Variants in MID1 observed in about 807,000 individuals in gnomAD.
MID1 encodes E3 ubiquitin-protein ligase Midline-1.
Under a neutral mutation model 40.4 loss-of-function variants are expected in MID1, and 7 were observed. The observed-to-expected ratio is 0.17, with a 90% CI of 0.10 to 0.33. The LOEUF (loss-of-function observed/expected upper bound fraction) is 0.33, where lower values mean the gene tolerates loss of function less well. Among genes scored for constraint, MID1 ranks in the 10% least tolerant of loss-of-function variants. MID1 has a pLI of 1.00. For synonymous variants in MID1, 229 were observed against 221.2 expected, an observed-to-expected ratio of 1.04 and a Z score of -0.31; for missense variants, 367 against 558.5, an observed-to-expected ratio of 0.66 and a Z score of 3.46.
intron 1 of MID1, among the ~76,000 whole-genome samples, chrX:10,759,279 C>G (rs1342106026): frequency 2.7e-5 from 3 of 111,702 alleles, no homozygotes; most frequent in African/African-American, 9.8e-5. Flanking sequence ...TGAAGGAGAC[C>G]GAGGAAATGC....
At chrX:10,549,795 C>T (rs1933837948) in intron 2 of MID1, among the ~76,000 whole-genome samples, 1 of 112,912 alleles carries the variant, frequency 8.9e-6, no homozygotes, top group Non-Finnish European at 1.9e-5. Flanking sequence ...CCCTGTGCAG[C>T]CAGGTTGAGA....
At chrX:10,693,419 T>C (rs2043143270) in intron 1 of MID1, among the ~76,000 whole-genome samples, 1 of 109,017 alleles carries the variant, frequency 9.2e-6, no homozygotes, top group African/African-American at 3.4e-5. Context: ...CTTGAACTCG[T>C]GGGCTCAAGT....
Position 10,483,445 on chromosome X carries a change from A to G in MID1, c.865-817T>C, listed in dbSNP as rs185824022. 1.9e-4 allele frequency among the ~76,000 whole-genome samples: 21 copies of G among 112,232 alleles called. No individual in the cohort carries two copies. The East Asian group carries it at 5.3e-3, about 28-fold the overall frequency. ...ACCATAACCTCCGGGGCAGGCCAAG[A>G]TAAGTCCAAGGTAACCCACTTGACC... On this transcript the variant is annotated intron_variant, in intron 4 of 9. Coordinates refer to ENST00000317552, the MANE Select transcript of MID1 (RefSeq NM_000381.4).
intron 3 of MID1, among the ~76,000 whole-genome samples, chrX:10,518,583 T>A (rs1235143161): frequency 9.0e-6 from 1 of 111,655 alleles, no homozygotes; most frequent in Non-Finnish European, 1.9e-5. Flanking sequence ...AAATCTTTGA[T>A]GTGGACTAAT....
At chrX:10,722,710 C>A (rs975343437) in intron 1 of MID1, among the ~76,000 whole-genome samples, 2 of 111,833 alleles carry the variant, frequency 1.8e-5, no homozygotes, top group African/African-American at 6.5e-5. Context: ...GAGACGAGGC[C>A]ATCAGAAACC....
At chrX:10,795,911 A>T (rs1329463110) in intron 1 of MID1, among the ~76,000 whole-genome samples, 2 of 111,900 alleles carry the variant, frequency 1.8e-5, no homozygotes, top group Non-Finnish European at 3.8e-5. Context: ...TCCAAGAGCA[A>T]ATCCTCCAAG....
chrX:10,492,926 T>G (rs1389634063), intron 4 of MID1, among the ~76,000 whole-genome samples: 1 of 112,139 alleles, frequency 8.9e-6, no homozygotes, highest in Admixed American at 9.4e-5. Flanking sequence ...TGGCTGGAAC[T>G]TGGGGACACC....
At chrX:10,502,205 A>T (rs1931581541) in intron 3 of MID1, among the ~76,000 whole-genome samples, 1 of 111,982 alleles carries the variant, frequency 8.9e-6, no homozygotes, top group Non-Finnish European at 1.9e-5. Flanking sequence ...AGGAAAAAAA[A>T]TATCTGGCCA....
At chrX:10,704,686 G>A (rs1402140153) in intron 1 of MID1, among the ~76,000 whole-genome samples, 2 of 93,480 alleles carry the variant, frequency 2.1e-5, no homozygotes, top group South Asian at 1.0e-3. Flanking sequence ...ATAAATATAT[G>A]TATGTGTATA....
rs149218019 is a variant in MID1, at chrX:10,567,293, C to A, written c.255G>T (p.Arg85Ser). ...RNVTLQNIID[R>S]FQKASVSGPN... is the part of the protein sequence containing the mutation. ...GCCCGCTCACTGATGCTTTCTGGAA[C>A]CTGTCGATGATGTTCTGTAGGGTGA... The change falls in exon 2 of 10, where the codon AGG becomes AGT. Residue 85 changes from arginine to serine, a missense_variant. Around this residue, in one of 3 missense-constraint regions of MID1, gnomAD observed 78 missense variants for 112.6 expected, o/e 0.69. Transcript: ENST00000317552. 8.3e-7 allele frequency: 1 copy of A among 1,199,532 alleles called. No individual in the cohort carries two copies. The highest frequency in any genetic ancestry group is 1.1e-6 in the Non-Finnish European group (1 of 888,227).
intron 1 of MID1, among the ~76,000 whole-genome samples, chrX:10,633,960 C>T (rs1259880644): frequency 2.7e-5 from 3 of 110,702 alleles, no homozygotes; most frequent in Non-Finnish European, 5.7e-5. Flanking sequence ...TTCCCCCTCC[C>T]CTACAGCCCA....
At chrX:10,501,359 C>G in intron 3 of MID1, 101 of 1,062,769 alleles carry the variant, frequency 9.5e-5, no homozygotes, top group Non-Finnish European at 1.2e-4. Flanking sequence ...AACTCAGTCA[C>G]TTTCACCTCA....
intron 1 of MID1, among the ~76,000 whole-genome samples, chrX:10,649,698 T>C (rs1936297604): frequency 8.9e-6 from 1 of 111,907 alleles, no homozygotes; most frequent in South Asian, 3.8e-4. Context: ...TAATTTTTAA[T>C]ATGAACCGTG....
intron 1 of MID1, among the ~76,000 whole-genome samples, chrX:10,601,895 GTTTTTGT>G (rs1463722629): frequency 3.8e-5 from 4 of 103,930 alleles, no homozygotes; most frequent in African/African-American, 1.5e-4. Flanking sequence ...TTTTGTTTTT[GTTTTTGT>G]TTTTTTTTTT....
chrX:10,517,558 C>G (rs1022411509), intron 3 of MID1, among the ~76,000 whole-genome samples: 2 of 112,510 alleles, frequency 1.8e-5, no homozygotes, highest in Non-Finnish European at 3.8e-5. Context: ...TCCTTGAACC[C>G]TCACTAAACC....
At chrX:10,814,194 C>T (rs2044120145) in intron 1 of MID1, among the ~76,000 whole-genome samples, 2 of 111,457 alleles carry the variant, frequency 1.8e-5, no homozygotes, top group Non-Finnish European at 3.8e-5. Flanking sequence ...TTTGCCAATC[C>T]CTGCTCCAGA....
At position 10,447,010 on chromosome X, in the gene MID1, A is replaced by C. The variant is rs2147250042; in HGVS notation, c.*2358T>G. 8.9e-6 allele frequency: 1 copy of C among 112,127 alleles called. No individual in the cohort carries two copies. Among genetic ancestry groups the C allele is most frequent in the South Asian group, 3.7e-4 (1 of 2,706 alleles). The allele number at this position is 112,127 out of a possible 1,213,427, so 9.2% of individuals were successfully genotyped here. ...GCATACATTTTTTAGACTTTCAAAA[A>C]AAAAATTCACACGGGAATCTTTTCT... On this transcript the variant is annotated 3_prime_UTR_variant, in exon 10 of 10. Transcript: ENST00000317552.
chrX:10,521,544 A>T (rs1486538694), intron 3 of MID1, among the ~76,000 whole-genome samples: 1 of 111,386 alleles, frequency 9.0e-6, no homozygotes, highest in Non-Finnish European at 1.9e-5. Flanking sequence ...AAGTGTAATG[A>T]ATGATAATTG....
At chrX:10,510,830 C>CAA (rs1185825614) in intron 3 of MID1, among the ~76,000 whole-genome samples, 107 of 23,694 alleles carry the variant, frequency 4.5e-3, no homozygotes, top group Middle Eastern at 0.045. Flanking sequence ...GACTCTGTCT[C>CAA]AAAAAAAAAA....
Sources: gnomAD v4.1 joint callset for allele counts (sites outside exome capture counted in the v4.1 genomes callset) on GRCh38, gnomAD v4.1.1 for gene constraint, gnomAD v4.1.1 regional missense constraint, MANE v1.5 for transcripts, NCBI Gene and HGNC (gene_info 2026-07-23, HGNC 2026-07-21) for gene names.